C6orf120: variants seen among roughly 807,000 people sequenced by gnomAD.
C6orf120 encodes the protein UPF0669 protein C6orf120.
For missense variants in C6orf120, 311 were observed against 264.2 expected (o/e 1.18, Z -1.23); for synonymous variants, 165 against 123.1 (o/e 1.34, Z -2.25).
At chr6:169,703,183 TCA>T (rs1291608974) in exon 1 of C6orf120, 1 of 771,192 alleles carries the variant, frequency 1.3e-6, no homozygotes, top group Non-Finnish European at 2.1e-6. Flanking sequence ...TTTTGTTACC[TCA>T]GTTACCCCAA....
In C6orf120 at chr6:169,702,237, GC is replaced by G; in HGVS notation, c.-219del. 1.4e-6 allele frequency: 1 copy of G among 692,034 alleles called. No homozygotes were observed. The highest frequency in any genetic ancestry group is 2.6e-6 in the Non-Finnish European group (1 of 379,120). The allele number at this position is 692,034 out of a possible 1,614,324, so 42.9% of individuals were successfully genotyped here. Reference sequence around the variant, plus strand: ...CCACAGCGGCCCTGCCCCTGCCCCTGCCCCTGCCCTGAGTGGGCGCCGCGCT... The same window carrying G: ...CCACAGCGGCCCTGCCCCTGCCCCTGCCCTGCCCTGAGTGGGCGCCGCGCT... On this transcript the variant is annotated 5_prime_UTR_variant, in exon 1 of 1. The change abolishes the stop of an existing upstream ORF in the 5' untranslated region. Transcript: ENST00000332290.
At chr6:169,702,628 C>T (rs781479609) in exon 1 of C6orf120, 20 of 1,613,256 alleles carry the variant, frequency 1.2e-5, no homozygotes, top group East Asian at 8.9e-5. Context: ...CTACAGCTAC[C>T]TGCGGCTGAA....
chr6:169,705,641 T>C (rs200825555), downstream of C6orf120: 33 of 1,523,512 alleles, frequency 2.2e-5, no homozygotes, highest in East Asian at 3.4e-4. Context: ...GGGAGCAGTG[T>C]ATAAGTGATT....
At chr6:169,702,839 G>C in exon 1 of C6orf120, 2 of 1,612,154 alleles carry the variant, frequency 1.2e-6, no homozygotes, top group Non-Finnish European at 1.7e-6. Flanking sequence ...CACCTGGAGA[G>C]CGAGTTCGAG....
exon 1 of C6orf120, chr6:169,704,316 A>G (rs550317119): frequency 8.1e-6 from 4 of 492,790 alleles, no homozygotes; most frequent in East Asian, 7.0e-5. Flanking sequence ...GAGAGATGCA[A>G]TGCCATACGG....
chr6:169,703,032 T>C lies in C6orf120; in HGVS notation c.573T>C (p.Phe191=), dbSNP rs1473388373. The C allele has an allele frequency of 2.6e-6, 4 of 1,548,410 alleles. No individual in the cohort carries two copies. The Admixed American group carries it at 7.8e-5, about 30-fold the overall frequency. The change falls in exon 1 of 1, where the codon TTT becomes TTC. Residue 191 remains phenylalanine, a synonymous_variant. Coordinates refer to ENST00000332290, the Ensembl canonical transcript of C6orf120. ...TGAAACTGGTACTTGAAATTCTCTT[T>C]TGAGTCGTTGACCACACTCTGGGAT...
At chr6:169,705,521 ACT>A (rs1195247898), downstream of C6orf120, 5 of 801,300 alleles carry the variant, frequency 6.2e-6, no homozygotes, top group African/African-American at 5.1e-5. Flanking sequence ...TAATTTGGTG[ACT>A]CTTTGGTTGA....
downstream of C6orf120, chr6:169,705,090 C>G (rs1788732406): frequency 6.9e-7 from 1 of 1,454,324 alleles, no homozygotes. Context: ...CTGGGAGAGT[C>G]TCATCACCCA....
chr6:169,703,854 G>C (rs1406123444), exon 1 of C6orf120: 2 of 614,126 alleles, frequency 3.3e-6, no homozygotes, highest in Middle Eastern at 4.2e-4. Flanking sequence ...AGTTAGTTTC[G>C]AGAGTAAGCG....
At chr6:169,702,690 T>G (rs781083045) in exon 1 of C6orf120, 6 of 1,613,348 alleles carry the variant, frequency 3.7e-6, no homozygotes, top group Admixed American at 1.7e-5. Flanking sequence ...GAGATGCGGA[T>G]CTGTACGTCT....
downstream of C6orf120, chr6:169,705,176 T>A: frequency 6.2e-7 from 1 of 1,612,876 alleles, no homozygotes; most frequent in Non-Finnish European, 8.5e-7. Flanking sequence ...TATGATAACC[T>A]CTGTCACACA....
chr6:169,705,177 C>T (rs1218547177), downstream of C6orf120: 2 of 1,613,306 alleles, frequency 1.2e-6, no homozygotes, highest in Non-Finnish European at 1.7e-6. Flanking sequence ...ATGATAACCT[C>T]TGTCACACAT....
exon 1 of C6orf120, chr6:169,702,748 G>A (rs763479665): frequency 2.0e-5 from 32 of 1,613,266 alleles, no homozygotes; most frequent in Non-Finnish European, 1.9e-5. Context: ...GCTGCAATCG[G>A]CCACCTGCGG....
chr6:169,702,665 T>G (rs1268083766), exon 1 of C6orf120: 1 of 1,613,424 alleles, frequency 6.2e-7, no homozygotes, highest in Non-Finnish European at 8.5e-7. Flanking sequence ...GTCCTCAGGA[T>G]GCGCAGCCTC....
At chr6:169,704,440 T>C (rs533438568) in exon 1 of C6orf120, 23 of 229,790 alleles carry the variant, frequency 1.0e-4, no homozygotes, top group Non-Finnish European at 1.9e-4. Context: ...TCTCTCCTGC[T>C]CACTGGCAGC....
At chr6:169,703,029 C>G (rs774247533) in exon 1 of C6orf120, 2 of 1,549,878 alleles carry the variant, frequency 1.3e-6, no homozygotes, top group Admixed American at 2.0e-5. Flanking sequence ...TTGAAATTCT[C>G]TTTTGAGTCG....
chr6:169,702,837 G>A, exon 1 of C6orf120: 2 of 1,612,148 alleles, frequency 1.2e-6, no homozygotes, highest in Non-Finnish European at 1.7e-6. Flanking sequence ...CCCACCTGGA[G>A]AGCGAGTTCG....
At chr6:169,704,170 A>G in exon 1 of C6orf120, 1 of 966,270 alleles carries the variant, frequency 1.0e-6, no homozygotes, top group East Asian at 2.9e-5. Context: ...CTTCTGCCTT[A>G]GCTATCACTA....
chr6:169,702,307 C>T, exon 1 of C6orf120: 2 of 663,922 alleles, frequency 3.0e-6, no homozygotes, highest in South Asian at 3.3e-5. Flanking sequence ...GGGCCTCACG[C>T]GGGTGGGAAG....
Sources: allele counts gnomAD v4.1 joint callset, GRCh38; gene constraint gnomAD v4.1.1; transcripts MANE v1.5; gene names NCBI Gene and HGNC (gene_info 2026-07-23, HGNC 2026-07-21).